Variants in BRMS1L observed in about 807,000 individuals in gnomAD.
BRMS1L encodes the protein BRMS1 like transcriptional repressor.
BRMS1L carries 23 observed loss-of-function variants against 50.3 expected under a neutral mutation model. The observed-to-expected ratio is 0.46, with a 90% confidence interval of 0.33 to 0.65. BRMS1L has a LOEUF of 0.65. Ranked by LOEUF, BRMS1L falls within the 30% of genes least tolerant of loss-of-function variation. BRMS1L has a pLI of 0.02. For missense variants in BRMS1L, 286 were observed against 386.1 expected (o/e 0.74, Z 2.17); for synonymous variants, 114 against 126.9 (o/e 0.90, Z 0.69).
At chr14:35,833,318 C>T (rs905328432) in intron 3 of BRMS1L, among the ~76,000 whole-genome samples, 1 of 151,106 alleles carries the variant, frequency 6.6e-6, no homozygotes, top group African/African-American at 2.4e-5. Context: ...AAAAAAAAGC[C>T]CTCAAGTTGT....
At chr14:35,846,865 G>A (rs183387851) in intron 4 of BRMS1L, among the ~76,000 whole-genome samples, 1 of 152,062 alleles carries the variant, frequency 6.6e-6, no homozygotes, top group Admixed American at 6.5e-5. Flanking sequence ...TATAAATATG[G>A]ACTCCTTTTT....
At chr14:35,845,296 T>C (rs1289744081) in intron 4 of BRMS1L, among the ~76,000 whole-genome samples, 1 of 152,240 alleles carries the variant, frequency 6.6e-6, no homozygotes, top group South Asian at 2.1e-4. Flanking sequence ...CGTTGTTATA[T>C]TCTTGCTCTT....
chr14:35,832,889 A>G, intron 2 of BRMS1L, 89 bp from the exon 3 acceptor site: 1 of 1,141,976 alleles, frequency 8.8e-7, no homozygotes. Context: ...AATATAAATG[A>G]TATTGGGAAC....
chr14:35,864,098 G>A, intron 6 of BRMS1L, 145 bp downstream of exon 6: 2 of 689,126 alleles, frequency 2.9e-6, no homozygotes, highest in Non-Finnish European at 5.0e-6. Flanking sequence ...AAAACCGATT[G>A]AAGACAGAGG....
intron 7 of BRMS1L, 30 bp downstream of exon 7, chr14:35,865,029 A>G (rs767499094): frequency 7.0e-7 from 1 of 1,419,888 alleles, no homozygotes; most frequent in Non-Finnish European, 9.6e-7. Flanking sequence ...GAACACAAGT[A>G]TGTTTTTATA....
At chr14:35,837,828 A>G (rs2078014209) in intron 4 of BRMS1L, among the ~76,000 whole-genome samples, 1 of 152,196 alleles carries the variant, frequency 6.6e-6, no homozygotes. Context: ...CTGGGATTAC[A>G]GGCTTGAGCC....
chr14:35,835,926 A>C (rs1437028356), intron 4 of BRMS1L, among the ~76,000 whole-genome samples: 1 of 152,228 alleles, frequency 6.6e-6, no homozygotes, highest in African/African-American at 2.4e-5. Flanking sequence ...AATCTAGACA[A>C]GATTATAGAT....
At chr14:35,851,245 G>A (rs1257384441) in intron 4 of BRMS1L, among the ~76,000 whole-genome samples, 2 of 152,194 alleles carry the variant, frequency 1.3e-5, no homozygotes, top group African/African-American at 2.4e-5. Context: ...CCGCACAGGT[G>A]TCAGTCTACA....
chr14:35,843,493 C>G (rs2078092844), intron 4 of BRMS1L, among the ~76,000 whole-genome samples: 1 of 152,194 alleles, frequency 6.6e-6, no homozygotes, highest in Non-Finnish European at 1.5e-5. Context: ...CCCTGTTTGC[C>G]TGGTTATCAC....
intron 4 of BRMS1L, among the ~76,000 whole-genome samples, chr14:35,843,070 A>G (rs1306251575): frequency 6.6e-6 from 1 of 152,144 alleles, no homozygotes; most frequent in Non-Finnish European, 1.5e-5. Context: ...TCCAGTTAGC[A>G]GTTCCTGTAG....
chr14:35,851,432 G>C (rs930780535), intron 4 of BRMS1L, among the ~76,000 whole-genome samples: 3 of 150,848 alleles, frequency 2.0e-5, no homozygotes, highest in Non-Finnish European at 3.0e-5. Context: ...TAAAAAAGAG[G>C]GATGGAAATA....
intron 4 of BRMS1L, among the ~76,000 whole-genome samples, chr14:35,846,882 C>T (rs775857235): frequency 1.8e-4 from 27 of 152,006 alleles, no homozygotes; most frequent in Non-Finnish European, 2.9e-5. Context: ...TTTTTAAACT[C>T]ATTTTTTGGT....
At chr14:35,851,532 A>G (rs1168437891) in intron 4 of BRMS1L, among the ~76,000 whole-genome samples, 1 of 152,196 alleles carries the variant, frequency 6.6e-6, no homozygotes, top group Non-Finnish European at 1.5e-5. Flanking sequence ...CAGGAGAGAG[A>G]GAGGAAGGGC....
rs146364734 is a variant in BRMS1L at position 35,832,779 on chromosome 14, A to T, written c.234-199A>T. Among the ~76,000 whole-genome samples the T allele has an allele frequency of 2.3e-3, 343 of 152,186 alleles. 3 individuals are homozygous for T. Among genetic ancestry groups the T allele is most frequent in the African/African-American group, 8.0e-3 (330 of 41,434 alleles). ...ATTGGGAATTGACCATTAAAGAGTG[A>T]TAGATAGATACCTGTTTTGTGATTA... On this transcript the variant is annotated intron_variant, in intron 2 of 9. Coordinates refer to ENST00000216807, the MANE Select transcript of BRMS1L (RefSeq NM_032352.4).
rs760916669 is a variant in BRMS1L at position 35,870,391 on chromosome 14, G to A, written c.886G>A (p.Val296Ile). 1.2e-6 allele frequency: 2 copies of A among 1,603,360 alleles called. No homozygotes were observed. The highest frequency in any genetic ancestry group is 1.7e-5 in the Admixed American group (1 of 58,678). The change falls in exon 10 of 10, where the codon GTT becomes ATT. Residue 296 changes from valine (V) to isoleucine (I), a missense_variant. Transcript: ENST00000216807. The stretch of plus-strand genomic sequence containing the variant: ...AATTACAACAATTAACCATGATGAA[G>A]TTTGGTTTAAGAGGCCTGATGGAAG... ...AVITTINHDE[V>I]WFKRPDGSKS...
At chr14:35,839,520 A>G (rs1239559701) in intron 4 of BRMS1L, among the ~76,000 whole-genome samples, 1 of 152,086 alleles carries the variant, frequency 6.6e-6, no homozygotes, top group African/African-American at 2.4e-5. Flanking sequence ...ATGTTTTTCC[A>G]TTTGTTTGTG....
In BRMS1L at chr14:35,856,611, T is replaced by TGGGG. The variant is rs367579267; in HGVS notation, c.442-5973_442-5970dup. ...CTGTTAATAAGTATGTACATTTTTTTGGGGGGGGGTTTGTTTTTGAGACAG... is the reference window on the plus strand; with the variant it reads ...CTGTTAATAAGTATGTACATTTTTTTGGGGGGGGGGGGGTTTGTTTTTGAGACAG... On this transcript the variant is annotated intron_variant, in intron 4 of 9. Transcript: ENST00000216807. Among the ~76,000 whole-genome samples, 716 of 149,324 alleles carry TGGGG rather than the reference T, an allele frequency of 4.8e-3. 4 individuals are homozygous for TGGGG. Among genetic ancestry groups the TGGGG allele is most frequent in the African/African-American group, 0.017 (679 of 39,856 alleles).
chr14:35,827,395 GA>G (rs2142033535), intron 1 of BRMS1L, among the ~76,000 whole-genome samples: 1 of 152,310 alleles, frequency 6.6e-6, no homozygotes, highest in African/African-American at 2.4e-5. Context: ...ATTCTAAAGT[GA>G]AATGGAATTT....
Position 35,858,227 on chromosome 14 carries a change from T to C in BRMS1L, c.442-4363T>C, listed in dbSNP as rs1392389190. ...GCTGTTTTCTCTGCGATCAAACTTA[T>C]CAGATAATCCATCAGCCTCATTTTC... On this transcript the variant is annotated intron_variant, in intron 4 of 9. Transcript: ENST00000216807. 3.3e-5 allele frequency among the ~76,000 whole-genome samples: 5 copies of C among 152,304 alleles called. No homozygotes were observed. The South Asian group carries it at 8.3e-4, about 25-fold the overall frequency.
Sources: allele counts gnomAD v4.1 joint callset (sites outside exome capture counted in the v4.1 genomes callset), GRCh38; gene constraint gnomAD v4.1.1; transcripts MANE v1.5; gene names NCBI Gene and HGNC (gene_info 2026-07-23, HGNC 2026-07-21).